RHPN2: variants seen among roughly 807,000 people sequenced by gnomAD.
RHPN2 encodes the protein rhophilin Rho GTPase binding protein 2.
In RHPN2, 40 loss-of-function variants were observed where a neutral mutation model predicts 79.0. The observed-to-expected ratio is 0.51, with a 90% CI of 0.39 to 0.66. The LOEUF is 0.66. RHPN2 is among the 30% of genes least tolerant of loss of function. RHPN2 has a pLI of 0.00. For missense variants in RHPN2, 686 were observed against 883.5 expected (o/e 0.78, Z 2.83); for synonymous variants, 285 against 363.5 (o/e 0.78, Z 2.46).
chr19:33,025,228 T>C (rs554287805), intron 3 of RHPN2, among the ~76,000 whole-genome samples: 6 of 151,528 alleles, frequency 4.0e-5, no homozygotes, highest in African/African-American at 1.5e-4. Flanking sequence ...ATCCCAGCAC[T>C]TTGGGAGGCC....
At chr19:33,052,137 G>A (rs1972194072) in intron 1 of RHPN2, among the ~76,000 whole-genome samples, 1 of 152,000 alleles carries the variant, frequency 6.6e-6, no homozygotes, top group South Asian at 2.1e-4. Context: ...TAAAACTGGA[G>A]GCAGGCACTT....
chr19:33,019,520 G>C (rs141611185), intron 4 of RHPN2, among the ~76,000 whole-genome samples: 1 of 151,558 alleles, frequency 6.6e-6, no homozygotes, highest in East Asian at 1.9e-4. Flanking sequence ...TGAAGGTTGC[G>C]GTGAGCCGAG....
intron 3 of RHPN2, among the ~76,000 whole-genome samples, chr19:33,024,351 T>G (rs1412574202): frequency 6.6e-6 from 1 of 152,116 alleles, no homozygotes; most frequent in African/African-American, 2.4e-5. Flanking sequence ...GAGGATTGCT[T>G]GAACCTGGGA....
chr19:32,985,701 G>C (rs1414618327), intron 14 of RHPN2, among the ~76,000 whole-genome samples: 1 of 152,088 alleles, frequency 6.6e-6, no homozygotes, highest in Non-Finnish European at 1.5e-5. Flanking sequence ...GCTCGATCTC[G>C]GCTCACTGCA....
intron 1 of RHPN2, among the ~76,000 whole-genome samples, chr19:33,062,568 A>T (rs1429756988): frequency 6.6e-6 from 1 of 151,700 alleles, no homozygotes; most frequent in Non-Finnish European, 1.5e-5. Context: ...TCAGGAGTTC[A>T]AGACTAGCCT....
chr19:32,985,411 G>T (rs576987492), intron 14 of RHPN2, among the ~76,000 whole-genome samples: 1 of 152,126 alleles, frequency 6.6e-6, no homozygotes, highest in African/African-American at 2.4e-5. Flanking sequence ...CAAGGTAGGC[G>T]GATTGCTTGA....
intron 1 of RHPN2, among the ~76,000 whole-genome samples, chr19:33,048,143 C>T (rs1188457242): frequency 3.3e-5 from 5 of 151,830 alleles, no homozygotes; most frequent in African/African-American, 7.3e-5. Context: ...ACAGCCTCTG[C>T]CTCCTGGGTT....
intron 2 of RHPN2, among the ~76,000 whole-genome samples, chr19:33,027,657 T>C (rs1178497973): frequency 2.6e-5 from 4 of 152,106 alleles, no homozygotes; most frequent in Non-Finnish European, 4.4e-5. Flanking sequence ...TAAATAGGAT[T>C]GTACACCATA....
intron 3 of RHPN2, among the ~76,000 whole-genome samples, chr19:33,025,184 A>T (rs1427827525): frequency 6.6e-6 from 1 of 151,954 alleles, no homozygotes; most frequent in Non-Finnish European, 1.5e-5. Context: ...TTCAAAATTG[A>T]CCTAGGGGCC....
At chr19:33,039,899 T>A (rs1332040626) in intron 2 of RHPN2, among the ~76,000 whole-genome samples, 2 of 148,588 alleles carry the variant, frequency 1.3e-5, no homozygotes, top group Non-Finnish European at 3.0e-5. Flanking sequence ...TCCTAACTTC[T>A]CCTGGAAAAA....
chr19:33,000,584 C>T lies in RHPN2; in HGVS notation c.1106-879G>A, dbSNP rs1208355382. Among the ~76,000 whole-genome samples the T allele has an allele frequency of 2.0e-5, 3 of 152,104 alleles. No homozygotes were observed. The East Asian group carries it at 5.8e-4, about 29-fold the overall frequency. On this transcript the variant is annotated intron_variant, in intron 9 of 14. Transcript: ENST00000254260. ...TCACCCACCACACAGAACCTCCTGG[C>T]ATAGCCCAGACCCTGTCATGCCCGG...
chr19:33,037,281 G>A (rs182636082), intron 2 of RHPN2, among the ~76,000 whole-genome samples: 1 of 152,268 alleles, frequency 6.6e-6, no homozygotes, highest in African/African-American at 2.4e-5. Context: ...AGCTCATCTG[G>A]TGGGGACATG....
At chr19:33,056,829 G>A (rs919807247) in intron 1 of RHPN2, among the ~76,000 whole-genome samples, 38 of 152,084 alleles carry the variant, frequency 2.5e-4, no homozygotes, top group African/African-American at 8.7e-4. Context: ...TCGAGACCAG[G>A]CCGGGCGCAG....
intron 9 of RHPN2, 29 bp from the exon 10 acceptor site, chr19:32,999,734 C>T (rs568098382): frequency 3.1e-6 from 5 of 1,606,654 alleles, no homozygotes; most frequent in Non-Finnish European, 4.3e-6. Flanking sequence ...GTTAAATCCC[C>T]TCTCATGGAC....
chr19:33,047,560 C>CGGGTAGTATTA (rs1339624790), intron 1 of RHPN2, among the ~76,000 whole-genome samples: 1 of 152,116 alleles, frequency 6.6e-6, no homozygotes, highest in Non-Finnish European at 1.5e-5. Flanking sequence ...AGCGGTCTGG[C>CGGGTAGTATTA]GGGTAGTATT....
intron 1 of RHPN2, among the ~76,000 whole-genome samples, chr19:33,048,397 C>T (rs116242487): frequency 0.013 from 2,037 of 151,258 alleles, 48 homozygotes; most frequent in African/African-American, 0.046. Flanking sequence ...AAGCATTAAA[C>T]GGTTTCCAAT....
rs375418361 is a variant in RHPN2, at chr19:32,982,822, C to T, written c.1801-2566G>A. 1.4e-3 allele frequency among the ~76,000 whole-genome samples: 206 copies of T among 152,184 alleles called. 1 individual carries two copies. The highest frequency in any genetic ancestry group is 4.6e-3 in the African/African-American group (192 of 41,524). The stretch of plus-strand genomic sequence containing the variant: ...CTTCCCTTGGAATTCTAACCTGACC[C>T]CAAACCTCTAATAGGCACCCATTTC... On this transcript the variant is annotated intron_variant, in intron 14 of 14. Transcript: ENST00000254260.
chr19:33,026,757 G>T, intron 2 of RHPN2, 125 bp from the exon 3 acceptor site: 1 of 1,118,558 alleles, frequency 8.9e-7, no homozygotes, highest in Non-Finnish European at 1.3e-6. Flanking sequence ...GGCCAGGAGT[G>T]TCGGTTAAGG....
intron 1 of RHPN2, among the ~76,000 whole-genome samples, chr19:33,045,050 C>CTTTT (rs367927850): frequency 7.9e-6 from 1 of 127,264 alleles, no homozygotes; most frequent in East Asian, 2.3e-4. Flanking sequence ...TGAGTATCTA[C>CTTTT]TTTTTTTTTT....
Sources: allele counts gnomAD v4.1 joint callset (sites outside exome capture counted in the v4.1 genomes callset), GRCh38; gene constraint gnomAD v4.1.1; transcripts MANE v1.5; gene names NCBI Gene and HGNC (gene_info 2026-07-23, HGNC 2026-07-21).